Variants in NXPE4 observed in about 807,000 individuals in gnomAD.
NXPE4 encodes the protein NXPE family member 4.
Under a neutral mutation model 33.3 loss-of-function variants are expected in NXPE4, and 42 were observed. The ratio of observed to expected loss-of-function variants is 1.26; its 90% CI spans 0.98 to 1.63. The LOEUF is 1.63. Ranked by LOEUF, NXPE4 falls within the 40% of genes most tolerant of loss-of-function variation. The pLI is 0.00. For missense variants in NXPE4, 709 were observed against 647.6 expected (o/e 1.09, Z -1.03); for synonymous variants, 253 against 234.9 (o/e 1.08, Z -0.71).
the NXPE4 span, among the ~76,000 whole-genome samples, chr11:114,608,849 C>A: frequency 6.6e-6 from 1 of 151,952 alleles, no homozygotes; most frequent in South Asian, 2.1e-4. Flanking sequence ...ATAAGTGTTG[C>A]CTTGTGGGTA....
At chr11:114,674,690 C>T in the NXPE4 span, among the ~76,000 whole-genome samples, 2 of 151,686 alleles carry the variant, frequency 1.3e-5, no homozygotes, top group Non-Finnish European at 3.0e-5. Context: ...AAAGACAGGA[C>T]CTGATGGCTT....
At chr11:114,611,162 A>T in the NXPE4 span, among the ~76,000 whole-genome samples, 1 of 151,184 alleles carries the variant, frequency 6.6e-6, no homozygotes, top group Admixed American at 6.6e-5. Context: ...GAGGATAATA[A>T]GGACTGTCTC....
the NXPE4 span, among the ~76,000 whole-genome samples, chr11:114,645,016 A>C: frequency 2.0e-5 from 3 of 152,006 alleles, no homozygotes; most frequent in Non-Finnish European, 4.4e-5. Flanking sequence ...TAAAAAAAAA[A>C]ACAGGCCGGG....
rs374186429 is a variant in NXPE4 at position 114,583,004 on chromosome 11, G to A, written c.114C>T (p.Asn38=). ...TCCAGTAATGGAGGGAGATGGATAA[G>A]TTTAGAGCAGACCAAACCTGAAATG... The part of the protein sequence containing the change: ...QNSTKVWSAL[N]LSISLHYWNN... Residue 38 remains asparagine (N), a synonymous_variant, in exon 3 of 6, where the codon AAC becomes AAT. Transcript: ENST00000375478. 2 of 1,611,144 alleles carry A rather than the reference G, an allele frequency of 1.2e-6. No individual in the cohort carries two copies. The highest frequency in any genetic ancestry group is 1.3e-5 in the African/African-American group (1 of 74,808).
At position 114,580,980 on chromosome 11, in the gene NXPE4, G is replaced by A. The variant is rs528979167; in HGVS notation, c.893-642C>T. Among the ~76,000 whole-genome samples the A allele has an allele frequency of 1.1e-4, 16 of 152,254 alleles. No individual in the cohort carries two copies. In the South Asian group the frequency reaches 2.5e-3, roughly 24 times the overall value. On this transcript the variant is annotated intron_variant, in intron 4 of 5. Coordinates refer to ENST00000375478, the MANE Select transcript of NXPE4 (RefSeq NM_001077639.2). ...TTTGATTATTAATCAACTGAGAGAA[G>A]TAGTTTAATATTTTAATAAGTGGGA... is the stretch of plus-strand genomic sequence containing the variant.
the NXPE4 span, among the ~76,000 whole-genome samples, chr11:114,628,957 C>G: frequency 6.6e-5 from 10 of 151,956 alleles, no homozygotes; most frequent in Admixed American, 6.6e-4. Context: ...ATACACCCTC[C>G]CAAGACTAAA....
chr11:114,675,108 G>A, the NXPE4 span, among the ~76,000 whole-genome samples: 1 of 151,564 alleles, frequency 6.6e-6, no homozygotes, highest in Non-Finnish European at 1.5e-5. Flanking sequence ...GTCTTTTCAT[G>A]AGAAAAAAAC....
At chr11:114,669,614 C>G in the NXPE4 span, among the ~76,000 whole-genome samples, 2 of 152,188 alleles carry the variant, frequency 1.3e-5, no homozygotes, top group South Asian at 2.1e-4. Context: ...CACTTCAGCT[C>G]ACTGGCTGAG....
chr11:114,583,799 A>G (rs946367018), intron 2 of NXPE4: 1 of 439,176 alleles, frequency 2.3e-6, no homozygotes, highest in Non-Finnish European at 4.4e-6. Context: ...TGATGATGGC[A>G]TGGAAGAGGC....
At chr11:114,590,371 GC>G (rs1239907600) in intron 2 of NXPE4, among the ~76,000 whole-genome samples, 4 of 152,150 alleles carry the variant, frequency 2.6e-5, no homozygotes, top group Non-Finnish European at 5.9e-5. Context: ...AAAGAATTAA[GC>G]CCATTTCCTC....
At chr11:114,595,966 T>G (rs1313478446), upstream of NXPE4, among the ~76,000 whole-genome samples, 1 of 152,158 alleles carries the variant, frequency 6.6e-6, no homozygotes, top group Non-Finnish European at 1.5e-5. Flanking sequence ...AAAAAGAGTG[T>G]TTGATAAATA....
chr11:114,640,177 A>T, the NXPE4 span, among the ~76,000 whole-genome samples: 7 of 135,364 alleles, frequency 5.2e-5, no homozygotes, highest in African/African-American at 1.9e-4. Flanking sequence ...TAAATAATTT[A>T]TATATTATAT....
chr11:114,638,997 C>T, the NXPE4 span, among the ~76,000 whole-genome samples: 2 of 152,046 alleles, frequency 1.3e-5, no homozygotes. Context: ...CTCTTCAAAG[C>T]TGTCAGACTG....
intron 5 of NXPE4, among the ~76,000 whole-genome samples, chr11:114,577,101 T>C (rs1011385832): frequency 7.4e-6 from 1 of 135,048 alleles, no homozygotes; most frequent in Non-Finnish European, 1.6e-5. Flanking sequence ...ATATATAAAG[T>C]TATATATATA....
the NXPE4 span, among the ~76,000 whole-genome samples, chr11:114,611,491 G>T: frequency 7.2e-5 from 11 of 151,952 alleles, no homozygotes; most frequent in Admixed American, 3.3e-4. Flanking sequence ...TTACCCTGTG[G>T]ATAATAAGTA....
At chr11:114,653,171 CTGGAGAA>C in the NXPE4 span, among the ~76,000 whole-genome samples, 1 of 152,072 alleles carries the variant, frequency 6.6e-6, no homozygotes, top group Non-Finnish European at 1.5e-5. Flanking sequence ...ATAAAAGTAT[CTGGAGAA>C]AGGGTTTTTA....
At chr11:114,659,856 CAA>C in the NXPE4 span, among the ~76,000 whole-genome samples, 1 of 151,844 alleles carries the variant, frequency 6.6e-6, no homozygotes, top group Non-Finnish European at 1.5e-5. Context: ...AAAACAGAAA[CAA>C]AATAAAGTAA....
the NXPE4 span, among the ~76,000 whole-genome samples, chr11:114,678,072 A>C: frequency 6.6e-6 from 1 of 152,124 alleles, no homozygotes; most frequent in Admixed American, 6.6e-5. Context: ...AATGGTTTAG[A>C]GCAAGAGAAA....
At chr11:114,586,711 C>A (rs1300973831) in intron 2 of NXPE4, among the ~76,000 whole-genome samples, 1 of 152,164 alleles carries the variant, frequency 6.6e-6, no homozygotes, top group African/African-American at 2.4e-5. Context: ...TGGACTAATT[C>A]CAGCCTCCAA....
Sources: gnomAD v4.1 joint callset for allele counts (sites outside exome capture counted in the v4.1 genomes callset) on GRCh38, gnomAD v4.1.1 for gene constraint, MANE v1.5 for transcripts, NCBI Gene and HGNC (gene_info 2026-07-23, HGNC 2026-07-21) for gene names.